The following MAPK10 variants were observed in gnomAD, a reference collection of about 807,000 sequenced individuals.
The protein encoded by MAPK10 is JNK3 alpha protein kinase.
MAPK10 carries 25 observed loss-of-function variants against 59.3 expected under a neutral mutation model. The ratio of observed to expected loss-of-function variants is 0.42; its 90% CI spans 0.31 to 0.59. The LOEUF (loss-of-function observed/expected upper bound fraction) is 0.59, where lower values mean the gene tolerates loss of function less well. Among genes scored for constraint, MAPK10 ranks in the 20% least tolerant of loss-of-function variants. MAPK10 has a pLI of 0.15. For synonymous variants in MAPK10, 190 were observed against 200.5 expected (o/e 0.95, Z 0.44); for missense variants, 351 against 568.9 (o/e 0.62, Z 3.90).
At chr4:86,044,804 T>C in intron 11 of MAPK10, 1 of 397,422 alleles carries the variant, frequency 2.5e-6, no homozygotes, top group Non-Finnish European at 4.4e-6. Flanking sequence ...ACTCTGGCAC[T>C]AGTAAGATGA....
At chr4:86,497,887 C>T (rs1365973150) in intron 1 of MAPK10, among the ~76,000 whole-genome samples, 1 of 152,210 alleles carries the variant, frequency 6.6e-6, no homozygotes, top group Non-Finnish European at 1.5e-5. Context: ...TTAGAAAACC[C>T]TCCATTCCAT....
chr4:86,213,646 T>G (rs186142784), intron 2 of MAPK10, among the ~76,000 whole-genome samples: 5 of 152,182 alleles, frequency 3.3e-5, no homozygotes, highest in Admixed American at 3.3e-4. Context: ...ACACAAAATC[T>G]ACTAATACAG....
chr4:86,162,875 C>T (rs1581617110), intron 3 of MAPK10, among the ~76,000 whole-genome samples: 2 of 152,076 alleles, frequency 1.3e-5, no homozygotes, highest in African/African-American at 2.4e-5. Flanking sequence ...TCTCAACCAC[C>T]TGGGGATGCA....
At chr4:86,293,555 A>G (rs1453559238) in intron 2 of MAPK10, among the ~76,000 whole-genome samples, 2 of 152,196 alleles carry the variant, frequency 1.3e-5, no homozygotes, top group African/African-American at 4.8e-5. Flanking sequence ...GTGTTAGGCC[A>G]TTCTTGCATT....
intron 1 of MAPK10, among the ~76,000 whole-genome samples, chr4:86,459,806 G>A (rs1000692912): frequency 6.6e-6 from 1 of 152,106 alleles, no homozygotes; most frequent in African/African-American, 2.4e-5. Context: ...ATCACAAATT[G>A]GGTGGAGTGT....
intron 2 of MAPK10, among the ~76,000 whole-genome samples, chr4:86,298,891 G>T (rs2095418021): frequency 6.6e-6 from 1 of 152,164 alleles, no homozygotes; most frequent in Non-Finnish European, 1.5e-5. Context: ...GCTGGGAAAT[G>T]GTTTGGAAAA....
At chr4:86,031,470 T>G (rs756675551) in intron 11 of MAPK10, 39 bp from the exon 12 acceptor site, 1 of 1,437,102 alleles carries the variant, frequency 7.0e-7, no homozygotes, top group Non-Finnish European at 9.8e-7. Flanking sequence ...TGTGTGATAA[T>G]GTAAACATAA....
intron 11 of MAPK10, among the ~76,000 whole-genome samples, chr4:86,035,867 G>A (rs2040189172): frequency 6.6e-6 from 1 of 152,172 alleles, no homozygotes. Flanking sequence ...TCAGAGGAAT[G>A]CTGTTGGCTA....
chr4:86,140,778 CA>C (rs2063474050), intron 4 of MAPK10, among the ~76,000 whole-genome samples: 1 of 152,032 alleles, frequency 6.6e-6, no homozygotes, highest in Non-Finnish European at 1.5e-5. Flanking sequence ...CAGGTGTGCA[CA>C]AATACACACA....
intron 10 of MAPK10, chr4:86,065,546 A>G (rs2046571204): frequency 6.6e-6 from 1 of 152,188 alleles, no homozygotes; most frequent in South Asian, 2.1e-4. Flanking sequence ...AATTTTTTAA[A>G]TTATTATACT....
chr4:86,417,726 G>T lies in MAPK10; in HGVS notation c.-122+35304C>A, dbSNP rs145716260. Among the ~76,000 whole-genome samples, 115 of 152,252 alleles carry T rather than the reference G, an allele frequency of 7.6e-4. 4 individuals are homozygous for T. The East Asian group carries it at 0.022, about 29-fold the overall frequency. Reference sequence around the variant, plus strand: ...CTGAGAACCTACTCACACTTTACAAGATCCCACTGGATTTCTATCATGCTC... The same window carrying T: ...CTGAGAACCTACTCACACTTTACAATATCCCACTGGATTTCTATCATGCTC... On this transcript the variant is annotated intron_variant, in intron 1 of 13. Coordinates refer to the MAPK10 transcript ENST00000361569.
chr4:86,494,208 C>T (rs576753893), intron 1 of MAPK10, among the ~76,000 whole-genome samples: 73 of 152,238 alleles, frequency 4.8e-4, no homozygotes, highest in African/African-American at 1.5e-3. Context: ...GAGGATGCAG[C>T]GAGGTACAAT....
At position 86,494,842 on chromosome 4, in the gene MAPK10, CAAAAAAAAAAAAAAAAAAAAAA is replaced by C. The variant is rs567947232; in HGVS notation, c.-263+99046_-263+99067del. Among the ~76,000 whole-genome samples, 6 of 23,988 alleles carry C rather than the reference CAAAAAAAAAAAAAAAAAAAAAA, an allele frequency of 2.5e-4. 1 individual carries two copies. The highest frequency in any genetic ancestry group is 1.4e-3 in the Admixed American group (2 of 1,432). The allele number at this position is 23,988 out of a possible 152,430, so 15.7% of individuals were successfully genotyped here. Reference sequence around the variant, plus strand: ...TGGGCGACAGAGAGAGACTCCGTCTCAAAAAAAAAAAAAAAAAAAAAAAAAAAAAAAAAAAAAAGCTTCACAT... The same window carrying C: ...TGGGCGACAGAGAGAGACTCCGTCTCAAAAAAAAAAAAAAAAGCTTCACAT... On this transcript the variant is annotated intron_variant, in intron 1 of 4. Coordinates refer to the MAPK10 transcript ENST00000502302.
At chr4:86,536,242 C>T (rs1758236892) in intron 1 of MAPK10, among the ~76,000 whole-genome samples, 1 of 152,214 alleles carries the variant, frequency 6.6e-6, no homozygotes, top group Non-Finnish European at 1.5e-5. Flanking sequence ...AGTAAATATG[C>T]TCATATAAAT....
At position 86,101,199 on chromosome 4, in the gene MAPK10, T is replaced by C; in HGVS notation, c.583A>G (p.Ile195Val). 3 of 1,613,808 alleles carry C rather than the reference T, an allele frequency of 1.9e-6. No homozygotes were observed. Residue 195 changes from isoleucine to valine, a missense_variant, in exon 8 of 14, where the codon ATT becomes GTT. Physicochemically the swap from Ile to Val is conservative, Grantham distance 29 (BLOSUM62 3). This residue lies in a region of MAPK10 where 76 missense variants were observed against 197.9 expected (regional missense o/e 0.38). Coordinates refer to ENST00000641462, the MANE Select transcript of MAPK10 (RefSeq NM_138982.4). ...AATGTGCAATCAGACTTGACTACAATGTTACTTGGTTTTAAATCCTAACAG... is the reference window on the plus strand; with the variant it reads ...AATGTGCAATCAGACTTGACTACAACGTTACTTGGTTTTAAATCCTAACAG... ...IIHRDLKPSN[I>V]VVKSDCTLKI...
At chr4:86,117,266 G>A (rs911367898) in intron 4 of MAPK10, among the ~76,000 whole-genome samples, 5 of 152,080 alleles carry the variant, frequency 3.3e-5, no homozygotes, top group Admixed American at 6.6e-5. Flanking sequence ...ATAAATACAC[G>A]CATACATACA....
At chr4:86,222,525 T>C (rs1563266701) in intron 2 of MAPK10, among the ~76,000 whole-genome samples, 1 of 152,186 alleles carries the variant, frequency 6.6e-6, no homozygotes, top group Non-Finnish European at 1.5e-5. Flanking sequence ...ACTTCACAGA[T>C]ACCCATGGGA....
chr4:86,017,056 C>T lies in MAPK10; in HGVS notation c.*172G>A. ...TTTGAGCTTAGCTGCAATACAGAAC[C>T]CTGGGGAAGAAGCAGGCTGAAAGAT... is the stretch of plus-strand genomic sequence containing the variant. On this transcript the variant is annotated 3_prime_UTR_variant, in exon 14 of 14. Transcript: ENST00000641462. The surrounding 1 kb of genome is among the most constrained non-coding windows in gnomAD (Gnocchi z 4.4). 1.5e-6 allele frequency: 1 copy of T among 686,696 alleles called. No homozygotes were observed. Among genetic ancestry groups the T allele is most frequent in the Non-Finnish European group, 2.4e-6 (1 of 422,456 alleles). The allele number at this position is 686,696 out of a possible 1,614,324, so 42.5% of individuals were successfully genotyped here.
intron 1 of MAPK10, among the ~76,000 whole-genome samples, chr4:86,410,535 ACT>A (rs1745009179): frequency 6.6e-6 from 1 of 151,132 alleles, no homozygotes; most frequent in Non-Finnish European, 1.5e-5. Flanking sequence ...CTGCTCCTGG[ACT>A]CTTTTTGTTT....
Sources: gnomAD v4.1 joint callset for allele counts (sites outside exome capture counted in the v4.1 genomes callset) on GRCh38, gnomAD v4.1.1 for gene constraint, gnomAD v4.1.1 regional missense constraint, Gnocchi (gnomAD v3.1) non-coding constraint, MANE v1.5 for transcripts, NCBI Gene and HGNC (gene_info 2026-07-23, HGNC 2026-07-21) for gene names.